Variants in HHLA2 observed in about 807,000 individuals in gnomAD.
HHLA2 encodes HHLA2 member of B7 family, also known as HERV-H LTR-associating protein 2.
HHLA2 carries 48 observed loss-of-function variants against 45.9 expected under a neutral mutation model. The observed-to-expected ratio is 1.05, with a 90% CI of 0.83 to 1.33. The LOEUF is 1.33. Among genes scored for constraint, HHLA2 ranks in the 40% most tolerant of loss-of-function variants. HHLA2 has a pLI of 0.00. For missense variants in HHLA2, 462 were observed against 494.3 expected (o/e 0.93, Z 0.62); for synonymous variants, 161 against 173.9 (o/e 0.93, Z 0.59).
At chr3:108,304,582 C>A (rs2080898554) in intron 1 of HHLA2, among the ~76,000 whole-genome samples, 1 of 152,182 alleles carries the variant, frequency 6.6e-6, no homozygotes, top group African/African-American at 2.4e-5. Flanking sequence ...AGCTCCCATT[C>A]TGAGGTTCTA....
At chr3:108,305,276 A>G (rs2080911373) in intron 1 of HHLA2, among the ~76,000 whole-genome samples, 2 of 152,182 alleles carry the variant, frequency 1.3e-5, no homozygotes, top group African/African-American at 2.4e-5. Context: ...GAAGCAAGGC[A>G]AGGGAAGATG....
chr3:108,350,243 T>G (rs1188845820), intron 3 of HHLA2, among the ~76,000 whole-genome samples: 2 of 152,164 alleles, frequency 1.3e-5, no homozygotes, highest in Admixed American at 6.5e-5. Flanking sequence ...CCAACTATCT[T>G]AGTTATTGCT....
intron 3 of HHLA2, among the ~76,000 whole-genome samples, chr3:108,340,946 T>G (rs2107417317): frequency 8.2e-6 from 1 of 122,544 alleles, no homozygotes; most frequent in Non-Finnish European, 1.7e-5. Flanking sequence ...CTTCCTTCCT[T>G]CCTTTCTTTC....
chr3:108,303,096 T>C (rs969306304), intron 1 of HHLA2, among the ~76,000 whole-genome samples: 1 of 152,228 alleles, frequency 6.6e-6, no homozygotes, highest in Non-Finnish European at 1.5e-5. Context: ...TTCTGAGTTT[T>C]CTGTATCAAC....
At chr3:108,345,667 G>A (rs529121168) in intron 3 of HHLA2, among the ~76,000 whole-genome samples, 2 of 152,280 alleles carry the variant, frequency 1.3e-5, no homozygotes, top group South Asian at 2.1e-4. Flanking sequence ...AGCAGCTGCA[G>A]AATCCAGACA....
chr3:108,352,166 A>C (rs2081791112), intron 4 of HHLA2, among the ~76,000 whole-genome samples: 1 of 151,620 alleles, frequency 6.6e-6, no homozygotes, highest in African/African-American at 2.4e-5. Context: ...TTTAAGTGTA[A>C]GCTTGGTACT....
chr3:108,361,307 T>C (rs1456683995), intron 7 of HHLA2, among the ~76,000 whole-genome samples: 3 of 152,184 alleles, frequency 2.0e-5, no homozygotes, highest in Non-Finnish European at 2.9e-5. Context: ...ATGATGAAAT[T>C]GCATGTCATC....
chr3:108,307,766 A>G (rs1258889865), intron 1 of HHLA2, among the ~76,000 whole-genome samples: 1 of 152,162 alleles, frequency 6.6e-6, no homozygotes. Flanking sequence ...TACAGATTCT[A>G]TTTGAAGGTC....
In HHLA2 at chr3:108,351,733, A is replaced by C. The variant is rs1303762575; in HGVS notation, c.-26-55A>C. ...TTGTATGAATGTACCACTCTTTTCCAATTCCCTTTTGCATTTTAAATCCAT... is the reference window on the plus strand; with the variant it reads ...TTGTATGAATGTACCACTCTTTTCCCATTCCCTTTTGCATTTTAAATCCAT... On this transcript the variant is annotated intron_variant, in intron 3 of 10. Coordinates refer to ENST00000619531, the Ensembl canonical transcript of HHLA2. 4 of 1,091,542 alleles carry C rather than the reference A, an allele frequency of 3.7e-6. No individual in the cohort carries two copies. The African/African-American group carries it at 4.6e-5, about 13-fold the overall frequency. 67.6% of individuals were successfully genotyped at this position (1,091,542 alleles called of 1,614,324 possible).
rs751863436 is a variant in HHLA2, at chr3:108,376,488, T to C, written c.1160-5T>C. ...ATTTTTAAGTTCTCTTTTTTTTTCC[T>C]GTAGAAAGATGTTGTGTCCCTCCTG... On this transcript the variant is annotated splice_polypyrimidine_tract_variant and splice_region_variant and intron_variant, in intron 9 of 10. Coordinates refer to ENST00000619531, the Ensembl canonical transcript of HHLA2. 1 of 1,593,902 alleles carries C rather than the reference T, an allele frequency of 6.3e-7. No homozygotes were observed. The highest frequency in any genetic ancestry group is 1.8e-5 in the Admixed American group (1 of 54,328).
At chr3:108,328,225 G>T in intron 2 of HHLA2, 2 of 849,020 alleles carry the variant, frequency 2.4e-6, no homozygotes, top group Non-Finnish European at 3.4e-6. Context: ...GTCATCTGGG[G>T]CATTGATACT....
intron 2 of HHLA2, among the ~76,000 whole-genome samples, chr3:108,311,595 A>G (rs1171913558): frequency 6.6e-6 from 1 of 152,046 alleles, no homozygotes; most frequent in Non-Finnish European, 1.5e-5. Context: ...CTTTTTCTAG[A>G]TTTAAGATTG....
chr3:108,312,482 G>T (rs917534787), intron 2 of HHLA2, among the ~76,000 whole-genome samples: 10 of 146,350 alleles, frequency 6.8e-5, no homozygotes, highest in African/African-American at 2.5e-4. Flanking sequence ...TGCTGTGAGT[G>T]CTGGCTGCTA....
intron 7 of HHLA2, 131 bp downstream of exon 6, chr3:108,358,292 T>C: frequency 1.5e-6 from 1 of 655,112 alleles, no homozygotes; most frequent in Non-Finnish European, 2.5e-6. Flanking sequence ...CACAGGGATA[T>C]TTCTGGTCAG....
At chr3:108,329,467 C>A (rs2081346730) in intron 3 of HHLA2, among the ~76,000 whole-genome samples, 2 of 152,188 alleles carry the variant, frequency 1.3e-5, no homozygotes, top group Non-Finnish European at 2.9e-5. Flanking sequence ...TTTGGCTTGA[C>A]TGCATTGCAT....
intron 1 of HHLA2, among the ~76,000 whole-genome samples, chr3:108,308,297 A>G (rs908026328): frequency 2.6e-5 from 4 of 152,216 alleles, no homozygotes; most frequent in Non-Finnish European, 2.9e-5. Context: ...TTCACTTAAC[A>G]TAATAATCTC....
At chr3:108,347,961 A>G (rs6788771) in intron 3 of HHLA2, among the ~76,000 whole-genome samples, 11,921 of 152,048 alleles carry the variant, frequency 0.078, 601 homozygotes, top group African/African-American at 0.14. Context: ...TCATAGAGAA[A>G]TGGAAAAGGA....
intron 8 of HHLA2, among the ~76,000 whole-genome samples, chr3:108,372,544 T>C (rs971958499): frequency 6.6e-6 from 1 of 150,840 alleles, no homozygotes; most frequent in Non-Finnish European, 1.5e-5. Context: ...CAGGAGCTGG[T>C]TTTTTGAAAA....
intron 3 of HHLA2, among the ~76,000 whole-genome samples, chr3:108,328,574 G>C (rs2081330767): frequency 6.6e-6 from 1 of 152,100 alleles, no homozygotes; most frequent in South Asian, 2.1e-4. Flanking sequence ...AAATAGACCT[G>C]GGCTTTGAAT....
Sources: allele counts gnomAD v4.1 joint callset (sites outside exome capture counted in the v4.1 genomes callset), GRCh38; gene constraint gnomAD v4.1.1; transcripts MANE v1.5; gene names NCBI Gene and HGNC (gene_info 2026-07-23, HGNC 2026-07-21).